Variants in USH2A observed in about 807,000 individuals in gnomAD.
USH2A encodes the protein Usher syndrome 2A (autosomal recessive, mild).
USH2A carries 443 observed loss-of-function variants against 538.9 expected under a neutral mutation model. The ratio of observed to expected loss-of-function variants is 0.82; its 90% CI spans 0.76 to 0.89. The LOEUF is 0.89. Ranked by LOEUF, USH2A falls within the 40% of genes least tolerant of loss-of-function variation. The probability of loss-of-function intolerance (pLI) is 0.00; values close to 1 mark genes in which losing one functional copy is unlikely to be tolerated. For missense variants in USH2A, 6,633 were observed against 6,324.8 expected (o/e 1.05, Z -1.65); for synonymous variants, 2,413 against 2,273.5 (o/e 1.06, Z -1.75).
At chr1:215,801,762 A>C (rs988527876) in intron 49 of USH2A, among the ~76,000 whole-genome samples, 8 of 152,120 alleles carry the variant, frequency 5.3e-5, no homozygotes, top group African/African-American at 1.9e-4. Context: ...TTGCAGAAGC[A>C]GAAGAAGCCA....
chr1:216,418,550 T>C lies in USH2A; in HGVS notation c.615A>G (p.Arg205=). ...QPPIKVMTLG[R]ILVKKWIHLS... ...GATGAATCCATTTCTTCACAAGAATTCTCCCCAGTGTCATTACTTTTATTG... is the reference window on the plus strand; with the variant it reads ...GATGAATCCATTTCTTCACAAGAATCCTCCCCAGTGTCATTACTTTTATTG... The change falls in exon 3 of 72, where the codon AGA becomes AGG. Residue 205 remains arginine, a synonymous_variant. Coordinates refer to ENST00000307340, the MANE Select transcript of USH2A (RefSeq NM_206933.4). The C allele has an allele frequency of 6.2e-7, 1 of 1,613,294 alleles. No individual in the cohort carries two copies. The highest frequency in any genetic ancestry group is 8.5e-7 in the Non-Finnish European group (1 of 1,179,528).
chr1:216,087,365 G>A, intron 23 of USH2A, among the ~76,000 whole-genome samples: 1 of 151,876 alleles, frequency 6.6e-6, no homozygotes, highest in East Asian at 1.9e-4. Context: ...TCTCCCCTTG[G>A]GTGTCTTAGA....
At chr1:216,032,503 G>A (rs1438196780) in intron 32 of USH2A, among the ~76,000 whole-genome samples, 1 of 152,102 alleles carries the variant, frequency 6.6e-6, no homozygotes, top group Non-Finnish European at 1.5e-5. Flanking sequence ...GACTCCCAGT[G>A]ACACACACCT....
At position 216,422,423 on chromosome 1, in the gene USH2A, G is replaced by A. The variant is rs1174047937; in HGVS notation, c.-87C>T. The A allele has an allele frequency of 1.3e-6, 2 of 1,587,596 alleles. No individual in the cohort carries two copies. The highest frequency in any genetic ancestry group is 2.3e-5 in the South Asian group (2 of 88,480). On this transcript the variant is annotated 5_prime_UTR_variant, in exon 2 of 72. Coordinates refer to ENST00000307340, the MANE Select transcript of USH2A (RefSeq NM_206933.4). ...CACTTGCCAGCAATACTTTGAAGCA[G>A]GGTACTTTAAGTGATGTTGCGATAC... is the stretch of plus-strand genomic sequence containing the variant.
chr1:216,055,882 T>A (rs2030959207), intron 30 of USH2A, among the ~76,000 whole-genome samples: 1 of 152,198 alleles, frequency 6.6e-6, no homozygotes, highest in Non-Finnish European at 1.5e-5. Flanking sequence ...TACATTTAAT[T>A]TCCTTCAAAT....
chr1:215,701,066 C>T (rs1334262384), intron 61 of USH2A, among the ~76,000 whole-genome samples: 1 of 152,128 alleles, frequency 6.6e-6, no homozygotes, highest in Admixed American at 6.5e-5. Flanking sequence ...TCATTCTACA[C>T]CCAGTAGTCA....
rs555910885 is a variant in USH2A at position 216,338,287 on chromosome 1, G to A, written c.785-10633C>T. 8.0e-4 allele frequency among the ~76,000 whole-genome samples: 121 copies of A among 151,506 alleles called. 1 individual carries two copies. In the South Asian group the frequency reaches 0.024, roughly 30 times the overall value. On this transcript the variant is annotated intron_variant, in intron 4 of 71. Coordinates refer to ENST00000307340, the MANE Select transcript of USH2A (RefSeq NM_206933.4). ...CAAGAAGTTAATCAAATTGACCTCTGAAACAAGATGTTAAACACACTACCA... is the reference window on the plus strand; with the variant it reads ...CAAGAAGTTAATCAAATTGACCTCTAAAACAAGATGTTAAACACACTACCA...
chr1:216,105,528 T>C (rs2102580788), intron 21 of USH2A, among the ~76,000 whole-genome samples: 1 of 152,232 alleles, frequency 6.6e-6, no homozygotes, highest in African/African-American at 2.4e-5. Context: ...TATTATGGCT[T>C]TATTTTAAAT....
chr1:215,637,288 T>C (rs893038977), intron 69 of USH2A, among the ~76,000 whole-genome samples: 14 of 152,284 alleles, frequency 9.2e-5, no homozygotes, highest in African/African-American at 2.6e-4. Flanking sequence ...TCAGAATCAC[T>C]GGACAGGACT....
chr1:216,249,596 A>T (rs1226653012), intron 12 of USH2A, among the ~76,000 whole-genome samples: 3 of 152,130 alleles, frequency 2.0e-5, no homozygotes, highest in Non-Finnish European at 4.4e-5. Context: ...CTTTCTAAAA[A>T]ATTAGTTTCT....
chr1:216,130,648 C>T (rs2033355613), intron 21 of USH2A, among the ~76,000 whole-genome samples: 2 of 146,258 alleles, frequency 1.4e-5, no homozygotes, highest in African/African-American at 5.0e-5. Flanking sequence ...TACATATACA[C>T]ACATATATAT....
Position 215,993,126 on chromosome 1 carries a change from C to G in USH2A, c.6699G>C (p.Glu2233Asp), listed in dbSNP as rs760476360. ...CGGGTATGTCCTCGTCAGTTAGGGC[C>G]TCACTGGCCTCACTCACTGTGCACC... is the stretch of plus-strand genomic sequence containing the variant. ...GGGCTVSEAS[E>D]ALTDEDIPEG... The change falls in exon 35 of 72, where the codon GAG (glutamate) becomes GAC (aspartate). Residue 2233 changes from glutamate to aspartate, a missense_variant. Transcript: ENST00000307340. 1 of 1,613,974 alleles carries G rather than the reference C, an allele frequency of 6.2e-7. No homozygotes were observed. Among genetic ancestry groups the G allele is most frequent in the East Asian group, 2.2e-5 (1 of 44,852 alleles).
At chr1:215,719,857 G>C (rs1220205937) in intron 61 of USH2A, among the ~76,000 whole-genome samples, 1 of 152,126 alleles carries the variant, frequency 6.6e-6, no homozygotes, top group East Asian at 1.9e-4. Flanking sequence ...TCTTCAAGTG[G>C]AAGGATTTAA....
Position 216,199,707 on chromosome 1 carries a change from T to TG in USH2A, c.3730dup (p.Gln1244ProfsTer7). ...CTGCATCTTAGGTGGACTTAGTCTT[T>TG]GGGGAGGGGCCTGGGCTGTGGTCAC... On this transcript the variant is annotated frameshift_variant, in exon 17 of 72. Coordinates refer to ENST00000307340, the MANE Select transcript of USH2A (RefSeq NM_206933.4). LOFTEE classifies it high-confidence loss of function. The TG allele has an allele frequency of 6.2e-7, 1 of 1,614,046 alleles. No individual in the cohort carries two copies.
chr1:216,010,074 C>T (rs1460323705), intron 32 of USH2A, among the ~76,000 whole-genome samples: 1 of 152,080 alleles, frequency 6.6e-6, no homozygotes, highest in Non-Finnish European at 1.5e-5. Flanking sequence ...AATAAAACTC[C>T]AAAAATTAAA....
chr1:216,220,905 G>C (rs1046283155), intron 14 of USH2A, among the ~76,000 whole-genome samples: 3 of 152,126 alleles, frequency 2.0e-5, no homozygotes, highest in African/African-American at 7.2e-5. Context: ...AAGAACGAAG[G>C]AGAAAGAGAT....
Position 215,675,385 on chromosome 1 carries a change from A to G in USH2A, c.12526T>C (p.Ser4176Pro), listed in dbSNP as rs1221322508. The change falls in exon 63 of 72, where the codon TCT (serine) becomes CCT (proline). Residue 4176 changes from serine (S) to proline (P), a missense_variant. Transcript: ENST00000307340. The part of the protein sequence containing the change: ...VKSTSVELSW[S>P]EPVNPNGKII... ...TTTCCATTTGGGTTAACAGGCTCAG[A>G]CCAGCTCAGCTCAACACTGGTGGAC... 3 of 1,614,134 alleles carry G rather than the reference A, an allele frequency of 1.9e-6. No homozygotes were observed. In the East Asian group the frequency reaches 6.7e-5, roughly 36 times the overall value.
At chr1:215,835,156 T>G in intron 47 of USH2A, among the ~76,000 whole-genome samples, 1 of 107,054 alleles carries the variant, frequency 9.3e-6, no homozygotes. Context: ...TCTTTAAGAG[T>G]GATGCACCAA....
At chr1:215,743,386 A>ATATATATATATATATATG (rs878870284) in intron 58 of USH2A, 51 bp from the exon 59 acceptor site, 1 of 309,992 alleles carries the variant, frequency 3.2e-6, no homozygotes, top group African/African-American at 3.3e-5. Context: ...ATATATATAT[A>ATATATATATATATATATG]TGTGTGTGTG....
Sources: allele counts gnomAD v4.1 joint callset (sites outside exome capture counted in the v4.1 genomes callset), GRCh38; gene constraint gnomAD v4.1.1; transcripts MANE v1.5; gene names NCBI Gene and HGNC (gene_info 2026-07-23, HGNC 2026-07-21).